RNLS: variants seen among roughly 807,000 people sequenced by gnomAD.
The protein encoded by RNLS is renalase.
In RNLS, 39 loss-of-function variants were observed where a neutral mutation model predicts 39.8. The observed-to-expected ratio is 0.98, with a 90% confidence interval of 0.76 to 1.28. The LOEUF (loss-of-function observed/expected upper bound fraction) is 1.28. Ranked by LOEUF, RNLS falls within the 50% of genes most tolerant of loss-of-function variation. The pLI is 0.00. For missense variants in RNLS, 410 were observed against 413.3 expected, an observed-to-expected ratio of 0.99 and a Z score of 0.07; for synonymous variants, 147 against 150.7, an observed-to-expected ratio of 0.98 and a Z score of 0.18.
Position 88,335,473 on chromosome 10 carries a change from G to A in RNLS, c.701-20832C>T, listed in dbSNP as rs563032944. ...AAACTCAAGGGATTCACCCACTTTA[G>A]CCTCTCAAAGTTTTGGGATTACAGG... On this transcript the variant is annotated intron_variant, in intron 5 of 6. Transcript: ENST00000331772. Among the ~76,000 whole-genome samples, 14 of 152,202 alleles carry A rather than the reference G, an allele frequency of 9.2e-5. No homozygotes were observed. The South Asian group carries it at 2.1e-3, about 23-fold the overall frequency.
At chr10:88,510,620 G>A (rs1318470213) in intron 4 of RNLS, among the ~76,000 whole-genome samples, 4 of 151,812 alleles carry the variant, frequency 2.6e-5, no homozygotes, top group Non-Finnish European at 5.9e-5. Flanking sequence ...CGAGGCGGGC[G>A]GATCACAAGT....
intron 4 of RNLS, among the ~76,000 whole-genome samples, chr10:88,407,367 A>G (rs1853345089): frequency 6.6e-6 from 1 of 151,934 alleles, no homozygotes; most frequent in Non-Finnish European, 1.5e-5. Flanking sequence ...TAGGTTTGTG[A>G]TTCATTTTTC....
At chr10:88,429,757 T>C (rs1302605192) in intron 4 of RNLS, among the ~76,000 whole-genome samples, 2 of 151,876 alleles carry the variant, frequency 1.3e-5, no homozygotes, top group Non-Finnish European at 2.9e-5. Flanking sequence ...TTCATGCATA[T>C]AGCCTTCCAA....
chr10:88,315,177 C>G (rs1823057124), intron 5 of RNLS, among the ~76,000 whole-genome samples: 2 of 152,186 alleles, frequency 1.3e-5, no homozygotes, highest in Admixed American at 6.5e-5. Context: ...ATATTCTTCT[C>G]TATGTTTTAA....
chr10:88,502,765 G>C (rs943376691), intron 4 of RNLS, among the ~76,000 whole-genome samples: 1 of 152,106 alleles, frequency 6.6e-6, no homozygotes, highest in Non-Finnish European at 1.5e-5. Context: ...TTAGGAACCT[G>C]AGGTTCTTCC....
chr10:88,395,885 A>T (rs1384031472), intron 4 of RNLS, among the ~76,000 whole-genome samples: 1 of 152,116 alleles, frequency 6.6e-6, no homozygotes, highest in African/African-American at 2.4e-5. Context: ...CAATAGGATT[A>T]GCAGCTGATT....
intron 4 of RNLS, among the ~76,000 whole-genome samples, chr10:88,377,226 A>G (rs935420804): frequency 1.4e-4 from 10 of 72,126 alleles, no homozygotes; most frequent in African/African-American, 4.6e-4. Context: ...CATTATCTCC[A>G]CATACACACA....
At chr10:88,520,217 C>T (rs958843517) in intron 4 of RNLS, among the ~76,000 whole-genome samples, 3 of 151,966 alleles carry the variant, frequency 2.0e-5, no homozygotes, top group Non-Finnish European at 2.9e-5. Context: ...CTGCCTATCT[C>T]CCTATAAGAG....
intron 5 of RNLS, among the ~76,000 whole-genome samples, chr10:88,322,721 A>G (rs1170476125): frequency 6.6e-6 from 1 of 152,140 alleles, no homozygotes. Flanking sequence ...TAGGAATGGG[A>G]GCAAGACAAG....
At chr10:88,343,555 CA>C in intron 5 of RNLS, 1 of 984,980 alleles carries the variant, frequency 1.0e-6, no homozygotes, top group Non-Finnish European at 1.2e-6. Flanking sequence ...AAACAACTCT[CA>C]AAAATATATT....
At chr10:88,396,969 C>CT (rs1445770567) in intron 4 of RNLS, among the ~76,000 whole-genome samples, 1 of 151,694 alleles carries the variant, frequency 6.6e-6, no homozygotes, top group African/African-American at 2.4e-5. Flanking sequence ...AACAGGGTCC[C>CT]AAAATACATG....
chr10:88,530,225 A>G (rs1017114196), intron 4 of RNLS, among the ~76,000 whole-genome samples: 2 of 152,170 alleles, frequency 1.3e-5, no homozygotes, highest in African/African-American at 4.8e-5. Context: ...TCTTGTGAAA[A>G]GCGAATGGGT....
chr10:88,538,326 C>A (rs1294669188), intron 4 of RNLS, among the ~76,000 whole-genome samples: 1 of 152,064 alleles, frequency 6.6e-6, no homozygotes, highest in African/African-American at 2.4e-5. Context: ...AAGAGATGAC[C>A]AGAACAGCTG....
rs1850764708 is a variant in RNLS at position 88,583,218 on chromosome 10, A to T, written c.-28T>A. On this transcript the variant is annotated 5_prime_UTR_variant, in exon 1 of 7. Transcript: ENST00000331772. ...CGAGAGGGAGCAGCGATCCGCGCTG[A>T]GTCTCTGCGGCGGGGCCGTTCGGCC... 6.2e-7 allele frequency: 1 copy of T among 1,612,414 alleles called. No homozygotes were observed. Among genetic ancestry groups the T allele is most frequent in the East Asian group, 2.2e-5 (1 of 44,854 alleles).
At chr10:88,256,462 T>A in the RNLS span, among the ~76,000 whole-genome samples, 1 of 152,204 alleles carries the variant, frequency 6.6e-6, no homozygotes, top group Non-Finnish European at 1.5e-5. Flanking sequence ...AGCAAGTTAT[T>A]CCAGTTAAGG....
chr10:88,326,247 G>T (rs1469978122), intron 5 of RNLS, among the ~76,000 whole-genome samples: 1 of 152,200 alleles, frequency 6.6e-6, no homozygotes, highest in Non-Finnish European at 1.5e-5. Context: ...CTCAGAAGAA[G>T]ACAGGAAGAT....
chr10:88,229,565 GCCT>G, the RNLS span, among the ~76,000 whole-genome samples: 1 of 152,254 alleles, frequency 6.6e-6, no homozygotes, highest in Non-Finnish European at 1.5e-5. Context: ...TAATTCAATG[GCCT>G]TTTAGTACAT....
chr10:88,479,320 A>T (rs971629196), intron 4 of RNLS, among the ~76,000 whole-genome samples: 1 of 152,140 alleles, frequency 6.6e-6, no homozygotes, highest in Admixed American at 6.6e-5. Context: ...AGACAAATAA[A>T]CCTTGGCAGC....
At chr10:88,333,839 G>A (rs1309296240) in intron 5 of RNLS, among the ~76,000 whole-genome samples, 1 of 152,098 alleles carries the variant, frequency 6.6e-6, no homozygotes, top group African/African-American at 2.4e-5. Flanking sequence ...AGGCTTGAGG[G>A]AACTTGTTTC....
Sources: allele counts gnomAD v4.1 joint callset (sites outside exome capture counted in the v4.1 genomes callset), GRCh38; gene constraint gnomAD v4.1.1; transcripts MANE v1.5; gene names NCBI Gene and HGNC (gene_info 2026-07-23, HGNC 2026-07-21).